The following KCNJ3 variants were observed in gnomAD, a reference collection of about 807,000 sequenced individuals.
KCNJ3 encodes G protein-activated inward rectifier potassium channel 1.
In KCNJ3, 4 loss-of-function variants were observed where a neutral mutation model predicts 39.2. The ratio of observed to expected loss-of-function variants is 0.10; its 90% CI spans 0.05 to 0.23. The LOEUF is 0.23. KCNJ3 is among the 10% of genes least tolerant of loss of function. KCNJ3 has a pLI of 1.00. For synonymous variants in KCNJ3, 230 were observed against 237.4 expected, an observed-to-expected ratio of 0.97 and a Z score of 0.29; for missense variants, 276 against 634.9, an observed-to-expected ratio of 0.43 and a Z score of 6.08.
intron 2 of KCNJ3, among the ~76,000 whole-genome samples, chr2:154,717,146 A>G (rs1267479693): frequency 6.6e-6 from 1 of 152,134 alleles, no homozygotes; most frequent in Non-Finnish European, 1.5e-5. Context: ...TCAGCAGGAG[A>G]GTAGAGGGAG....
intron 2 of KCNJ3, among the ~76,000 whole-genome samples, chr2:154,746,628 A>G (rs202179900): frequency 1.6e-5 from 2 of 125,330 alleles, no homozygotes; most frequent in Non-Finnish European, 3.3e-5. Context: ...ATATATATAT[A>G]TATGTATATA....
chr2:154,786,332 T>C (rs1292637408), intron 2 of KCNJ3, among the ~76,000 whole-genome samples: 1 of 152,174 alleles, frequency 6.6e-6, no homozygotes, highest in East Asian at 1.9e-4. Context: ...TATAGACCCT[T>C]GGGAACCAAG....
intron 2 of KCNJ3, among the ~76,000 whole-genome samples, chr2:154,769,985 A>G (rs1686209462): frequency 6.6e-6 from 1 of 152,180 alleles, no homozygotes. Context: ...AGCCTTTTAA[A>G]AGACATTTTA....
At chr2:154,718,505 C>A (rs961813968) in intron 2 of KCNJ3, among the ~76,000 whole-genome samples, 7 of 152,216 alleles carry the variant, frequency 4.6e-5, no homozygotes, top group Admixed American at 4.6e-4. Context: ...AAGTCCTGTG[C>A]AAACTGGGAT....
At chr2:154,786,866 G>T (rs375776081) in intron 2 of KCNJ3, among the ~76,000 whole-genome samples, 2 of 152,112 alleles carry the variant, frequency 1.3e-5, no homozygotes, top group Admixed American at 1.3e-4. Flanking sequence ...TGAATTAGAC[G>T]TGGACTCTCA....
intron 2 of KCNJ3, among the ~76,000 whole-genome samples, chr2:154,794,527 T>A (rs1360794121): frequency 6.6e-6 from 1 of 152,002 alleles, no homozygotes; most frequent in African/African-American, 2.4e-5. Flanking sequence ...TATGTTGCAG[T>A]ATGACTGAGT....
chr2:154,840,121 T>TA (rs1687549880), intron 2 of KCNJ3, among the ~76,000 whole-genome samples: 1 of 152,178 alleles, frequency 6.6e-6, no homozygotes, highest in East Asian at 1.9e-4. Flanking sequence ...ATGTAAGGTG[T>TA]AAGGAAGGGA....
At chr2:154,757,915 C>T (rs1038437163) in intron 2 of KCNJ3, among the ~76,000 whole-genome samples, 18 of 152,088 alleles carry the variant, frequency 1.2e-4, no homozygotes, top group Admixed American at 1.0e-3. Context: ...AAAGACCCCA[C>T]CTCCTAATAC....
At chr2:154,844,207 G>A (rs553583310) in intron 2 of KCNJ3, among the ~76,000 whole-genome samples, 1 of 152,272 alleles carries the variant, frequency 6.6e-6, no homozygotes, top group South Asian at 2.1e-4. Context: ...AGCTCCCTCA[G>A]CTGCAGGTTT....
intron 1 of KCNJ3, among the ~76,000 whole-genome samples, chr2:154,708,405 C>G (rs1411795015): frequency 3.3e-5 from 5 of 152,072 alleles, no homozygotes; most frequent in Admixed American, 6.6e-5. Flanking sequence ...TTTTTTGGAA[C>G]TCTGAGAGTA....
intron 2 of KCNJ3, among the ~76,000 whole-genome samples, chr2:154,724,273 A>C (rs1032297408): frequency 1.3e-5 from 2 of 152,044 alleles, no homozygotes; most frequent in African/African-American, 2.4e-5. Context: ...CTGTGTGTGC[A>C]TCCTGGCTTC....
chr2:154,717,737 T>A (rs1685204943), intron 2 of KCNJ3, among the ~76,000 whole-genome samples: 1 of 152,214 alleles, frequency 6.6e-6, no homozygotes, highest in Non-Finnish European at 1.5e-5. Flanking sequence ...AATGAATATA[T>A]CATAAAGTAG....
intron 2 of KCNJ3, among the ~76,000 whole-genome samples, chr2:154,789,911 A>G (rs1405630181): frequency 6.6e-6 from 1 of 152,156 alleles, no homozygotes; most frequent in African/African-American, 2.4e-5. Context: ...TACAAAATGA[A>G]CACTAATTTT....
intron 2 of KCNJ3, among the ~76,000 whole-genome samples, chr2:154,763,484 T>A (rs973804364): frequency 1.9e-4 from 29 of 152,196 alleles, no homozygotes; most frequent in African/African-American, 7.0e-4. Flanking sequence ...CTGATCCATG[T>A]CACCATCGAC....
chr2:154,834,474 G>C (rs1461538912), intron 2 of KCNJ3, among the ~76,000 whole-genome samples: 1 of 152,166 alleles, frequency 6.6e-6, no homozygotes, highest in African/African-American at 2.4e-5. Flanking sequence ...GCTAACACCT[G>C]TAATCCCAGC....
chr2:154,752,270 T>A (rs1574447968), intron 2 of KCNJ3, among the ~76,000 whole-genome samples: 1 of 151,930 alleles, frequency 6.6e-6, no homozygotes, highest in East Asian at 1.9e-4. Context: ...AAAAAAATAG[T>A]AGTTTTCCTT....
At chr2:154,707,203 T>C (rs1685025715) in intron 1 of KCNJ3, among the ~76,000 whole-genome samples, 1 of 151,868 alleles carries the variant, frequency 6.6e-6, no homozygotes, top group Admixed American at 6.6e-5. Context: ...AAGTGTCGTA[T>C]AATAGGAAGA....
intron 2 of KCNJ3, among the ~76,000 whole-genome samples, chr2:154,742,216 G>T (rs1241781436): frequency 6.6e-6 from 1 of 151,746 alleles, no homozygotes; most frequent in Non-Finnish European, 1.5e-5. Context: ...TGTCAGAATT[G>T]TCTTCCATTT....
chr2:154,735,197 C>G (rs1479053962), intron 2 of KCNJ3, among the ~76,000 whole-genome samples: 1 of 152,052 alleles, frequency 6.6e-6, no homozygotes, highest in Non-Finnish European at 1.5e-5. Flanking sequence ...CACCATTCTC[C>G]TGCCTCACCC....
Sources: allele counts gnomAD v4.1 joint callset (sites outside exome capture counted in the v4.1 genomes callset), GRCh38; gene constraint gnomAD v4.1.1; transcripts MANE v1.5; gene names NCBI Gene and HGNC (gene_info 2026-07-23, HGNC 2026-07-21).